Variants in MEIS1 observed in about 807,000 individuals in gnomAD.
MEIS1 encodes the protein Meis homeobox 1.
MEIS1 carries 5 observed loss-of-function variants against 50.8 expected under a neutral mutation model. The observed-to-expected ratio is 0.10, with a 90% CI of 0.05 to 0.21. The LOEUF (loss-of-function observed/expected upper bound fraction) is 0.21. MEIS1 is among the 10% of genes least tolerant of loss of function. MEIS1 has a pLI of 1.00. For synonymous variants in MEIS1, 176 were observed against 179.3 expected (o/e 0.98, Z 0.15); for missense variants, 318 against 517.3 (o/e 0.61, Z 3.74).
chr2:66,523,300 G>A (rs1260857681), intron 8 of MEIS1, among the ~76,000 whole-genome samples: 1 of 152,210 alleles, frequency 6.6e-6, no homozygotes, highest in Admixed American at 6.5e-5. Context: ...CAGATGTGGT[G>A]TCTATGACCC....
At chr2:66,498,797 A>G (rs936615461) in intron 7 of MEIS1, among the ~76,000 whole-genome samples, 3 of 152,142 alleles carry the variant, frequency 2.0e-5, no homozygotes, top group Non-Finnish European at 4.4e-5. Context: ...TAAGATGCAC[A>G]GTGTGGTCCT....
At chr2:66,464,041 C>A in intron 6 of MEIS1, 68 bp from the exon 7 acceptor site, 1 of 1,146,174 alleles carries the variant, frequency 8.7e-7, no homozygotes. Flanking sequence ...TGTCATTATG[C>A]CATGGGATCC....
chr2:66,552,056 C>CACAA (rs35584681), intron 9 of MEIS1, among the ~76,000 whole-genome samples: 47 of 151,888 alleles, frequency 3.1e-4, no homozygotes, highest in African/African-American at 1.1e-3. Context: ...CACACACACA[C>CACAA]AATCAATACT....
At chr2:66,487,107 C>T (rs570914054) in intron 7 of MEIS1, among the ~76,000 whole-genome samples, 13 of 152,246 alleles carry the variant, frequency 8.5e-5, no homozygotes, top group African/African-American at 3.1e-4. Flanking sequence ...GCCTGATTGT[C>T]CTGGCCAGAA....
At position 66,441,468 on chromosome 2, in the gene MEIS1, AT is replaced by A. The variant is rs770326432; in HGVS notation, c.483+7del. 3 of 1,543,544 alleles carry A rather than the reference AT, an allele frequency of 1.9e-6. No individual in the cohort carries two copies. The South Asian group carries it at 3.7e-5, about 19-fold the overall frequency. ...TCATCTATTGGAATTAGAGAAGGTA[AT>A]TTCTCTAGCCTCTTTTCCTTTTACT... On this transcript the variant is annotated splice_donor_5th_base_variant and intron_variant, in intron 5 of 12. Transcript: ENST00000272369.
At chr2:66,464,735 A>C (rs1672594804) in intron 7 of MEIS1, among the ~76,000 whole-genome samples, 1 of 152,170 alleles carries the variant, frequency 6.6e-6, no homozygotes, top group Non-Finnish European at 1.5e-5. Flanking sequence ...CTTCATTGCA[A>C]AGCCAGACTA....
intron 7 of MEIS1, among the ~76,000 whole-genome samples, chr2:66,465,550 A>G (rs1672613788): frequency 6.6e-6 from 1 of 152,188 alleles, no homozygotes; most frequent in Admixed American, 6.5e-5. Context: ...TCATAACTCT[A>G]CTTACACTAT....
intron 6 of MEIS1, among the ~76,000 whole-genome samples, chr2:66,460,128 T>C (rs920415883): frequency 1.3e-5 from 2 of 152,162 alleles, no homozygotes; most frequent in Non-Finnish European, 2.9e-5. Context: ...AAGATAGTTT[T>C]TGAAGTTGCA....
intron 12 of MEIS1, chr2:66,569,793 A>G (rs1197270764): frequency 6.6e-6 from 1 of 152,666 alleles, no homozygotes; most frequent in African/African-American, 2.4e-5. Flanking sequence ...CTATATCCAA[A>G]TTAAGTATGC....
intron 4 of MEIS1, among the ~76,000 whole-genome samples, chr2:66,441,177 A>G (rs950965): frequency 0.59 from 88,969 of 151,618 alleles, 26,748 homozygotes; most frequent in South Asian, 0.73. Context: ...GGGGGAGGAG[A>G]GTGTTTATGA....
In MEIS1 at chr2:66,564,437, C is replaced by G. The variant is rs541826877; in HGVS notation, c.966-3016C>G. On this transcript the variant is annotated intron_variant, in intron 9 of 12. Coordinates refer to ENST00000272369, the MANE Select transcript of MEIS1 (RefSeq NM_002398.3). ...CTGGAATAAATGTCGTTGGTGTTGT[C>G]CACTGCAAGGCTTCAGGAGGACATA... Among the ~76,000 whole-genome samples, 3 of 152,152 alleles carry G rather than the reference C, an allele frequency of 2.0e-5. No individual in the cohort carries two copies. The East Asian group carries it at 5.8e-4, about 29-fold the overall frequency.
intron 9 of MEIS1, among the ~76,000 whole-genome samples, chr2:66,560,688 C>A (rs1308632962): frequency 6.6e-6 from 1 of 151,912 alleles, no homozygotes; most frequent in Non-Finnish European, 1.5e-5. Context: ...TGGCAAATAC[C>A]CCCAACACTG....
intron 6 of MEIS1, among the ~76,000 whole-genome samples, chr2:66,446,910 T>C (rs1283466566): frequency 6.6e-6 from 1 of 152,254 alleles, no homozygotes; most frequent in Non-Finnish European, 1.5e-5. Flanking sequence ...GCGATTGTTT[T>C]ATTTCAAAAG....
chr2:66,516,310 G>A (rs968532132), intron 8 of MEIS1, among the ~76,000 whole-genome samples: 1 of 152,150 alleles, frequency 6.6e-6, no homozygotes, highest in Non-Finnish European at 1.5e-5. Context: ...CATACCTACA[G>A]ATTCAGGTGA....
intron 6 of MEIS1, chr2:66,461,848 G>C (rs1313256269): frequency 6.4e-6 from 3 of 470,316 alleles, no homozygotes; most frequent in Non-Finnish European, 1.3e-5. Context: ...TTTTCATGGT[G>C]AATTAAGTGG....
chr2:66,450,479 C>A (rs1457705918), intron 6 of MEIS1, among the ~76,000 whole-genome samples: 1 of 151,562 alleles, frequency 6.6e-6, no homozygotes, highest in Non-Finnish European at 1.5e-5. Flanking sequence ...TCATATTATT[C>A]AAAAAAAATA....
intron 8 of MEIS1, among the ~76,000 whole-genome samples, chr2:66,513,659 C>G (rs972155719): frequency 1.3e-5 from 2 of 151,772 alleles, no homozygotes; most frequent in South Asian, 2.1e-4. Context: ...AGTATCTAGA[C>G]TACACTACAG....
chr2:66,496,811 C>T (rs998858378), intron 7 of MEIS1, among the ~76,000 whole-genome samples: 15 of 151,986 alleles, frequency 9.9e-5, no homozygotes, highest in South Asian at 4.1e-4. Context: ...GGAACGTTCT[C>T]GTTTTTTTTT....
At chr2:66,532,081 G>C (rs935772916) in intron 8 of MEIS1, among the ~76,000 whole-genome samples, 2 of 152,192 alleles carry the variant, frequency 1.3e-5, no homozygotes, top group Admixed American at 1.3e-4. Context: ...GTTCTGAGGT[G>C]GAGTGTCTTC....
Sources: allele counts gnomAD v4.1 joint callset (sites outside exome capture counted in the v4.1 genomes callset), GRCh38; gene constraint gnomAD v4.1.1; transcripts MANE v1.5; gene names NCBI Gene and HGNC (gene_info 2026-07-23, HGNC 2026-07-21).